The following NIBAN2 variants were observed in gnomAD, a reference collection of about 807,000 sequenced individuals.
The protein encoded by NIBAN2 is protein Niban 2.
In NIBAN2, 36 loss-of-function variants were observed where a neutral mutation model predicts 81.8. That is an observed-to-expected ratio of 0.44 (90% CI 0.34 to 0.58). The LOEUF is 0.58. Ranked by LOEUF, NIBAN2 falls within the 20% of genes least tolerant of loss-of-function variation. The pLI is 0.02. For missense variants in NIBAN2, 897 were observed against 1,014.1 expected (o/e 0.88, Z 1.57); for synonymous variants, 445 against 441.6 (o/e 1.01, Z -0.10).
upstream of NIBAN2, among the ~76,000 whole-genome samples, chr9:127,571,092 G>A (rs77118002): frequency 0.027 from 4,056 of 152,346 alleles, 138 homozygotes; most frequent in African/African-American, 0.078. Flanking sequence ...GACACCAGAG[G>A]CATCTTCTTG....
At chr9:127,578,753 AG>A (rs774724472) in intron 1 of NIBAN2, among the ~76,000 whole-genome samples, 4 of 151,846 alleles carry the variant, frequency 2.6e-5, no homozygotes, top group Non-Finnish European at 5.9e-5. Flanking sequence ...ACGCTTTGGG[AG>A]GTCAAGAAGT....
At chr9:127,561,900 C>T (rs544554267) in intron 1 of NIBAN2, among the ~76,000 whole-genome samples, 9 of 152,364 alleles carry the variant, frequency 5.9e-5, no homozygotes, top group Non-Finnish European at 1.3e-4. Flanking sequence ...CTCTGCCCAG[C>T]AGCGTCTACA....
At chr9:127,519,564 C>T (rs1836897220) in intron 5 of NIBAN2, among the ~76,000 whole-genome samples, 1 of 152,276 alleles carries the variant, frequency 6.6e-6, no homozygotes, top group Non-Finnish European at 1.5e-5. Flanking sequence ...TCTCTGGGTC[C>T]CTCCTCTCCC....
intron 1 of NIBAN2, 66 bp downstream of exon 1, chr9:127,568,754 G>C: frequency 8.2e-7 from 1 of 1,215,418 alleles, no homozygotes; most frequent in African/African-American, 1.6e-5. Flanking sequence ...CTGCTGGCCG[G>C]GGCGGGGGCG....
intron 4 of NIBAN2, among the ~76,000 whole-genome samples, 174 bp from the exon 5 acceptor site, chr9:127,524,020 C>T (rs1232157439): frequency 1.3e-5 from 2 of 152,212 alleles, no homozygotes; most frequent in Non-Finnish European, 2.9e-5. Flanking sequence ...TTCTTTCTGG[C>T]TGTGTTCTCC....
intron 3 of NIBAN2, among the ~76,000 whole-genome samples, chr9:127,525,803 C>T (rs538336278): frequency 6.6e-6 from 1 of 152,274 alleles, no homozygotes; most frequent in South Asian, 2.1e-4. Context: ...AGGACATGAA[C>T]CAGGGCTATC....
chr9:127,548,087 T>A (rs1160756018), intron 1 of NIBAN2, among the ~76,000 whole-genome samples: 1 of 152,170 alleles, frequency 6.6e-6, no homozygotes, highest in Admixed American at 6.5e-5. Flanking sequence ...GTCCCATGTT[T>A]CACGCCACGC....
intron 1 of NIBAN2, among the ~76,000 whole-genome samples, chr9:127,534,925 C>T (rs1391848256): frequency 6.6e-6 from 1 of 152,124 alleles, no homozygotes; most frequent in Non-Finnish European, 1.5e-5. Context: ...TCGTCATGGC[C>T]ACCACTTGCA....
At position 127,507,755 on chromosome 9, in the gene NIBAN2, G is replaced by A. The variant is rs996207138; in HGVS notation, c.1654+112C>T. On this transcript the variant is annotated intron_variant, in intron 13 of 13. Coordinates refer to ENST00000373312, the MANE Select transcript of NIBAN2 (RefSeq NM_022833.4). This position sits in a 1 kb window ranked among gnomAD's most constrained non-coding sequence, Gnocchi z 6.8. ...AGTGGGCTTCACCCAGACCCCAGGT[G>A]CAAGTCTGGGCTTTTCTTTGAGCCT... 2.5e-5 allele frequency: 24 copies of A among 956,896 alleles called. No individual in the cohort carries two copies. The highest frequency in any genetic ancestry group is 3.8e-5 in the Non-Finnish European group (23 of 602,246). The allele number at this position is 956,896 out of a possible 1,614,324, so 59.3% of individuals were successfully genotyped here.
intron 4 of NIBAN2, 116 bp from the exon 5 acceptor site, chr9:127,523,962 C>T (rs947530340): frequency 8.2e-5 from 94 of 1,140,516 alleles, no homozygotes; most frequent in Non-Finnish European, 1.1e-4. Context: ...CCAGAGAAGG[C>T]CAGCCTGTCC....
Position 127,508,242 on chromosome 9 carries a change from C to A in NIBAN2, c.1435-42G>T, listed in dbSNP as rs370444603. On this transcript the variant is annotated intron_variant, in intron 11 of 13. Transcript: ENST00000373312. This position sits in a 1 kb window ranked among gnomAD's most constrained non-coding sequence, Gnocchi z 6.4. Reference sequence around the variant, plus strand: ...GGTCGGGGGTCTGCAGGTCAGTGGGCTCCATTGGCCCTGAGGGTAGGACGA... The same window carrying A: ...GGTCGGGGGTCTGCAGGTCAGTGGGATCCATTGGCCCTGAGGGTAGGACGA... The A allele has an allele frequency of 5.1e-5, 78 of 1,517,744 alleles. No homozygotes were observed. The highest frequency in any genetic ancestry group is 6.0e-5 in the Non-Finnish European group (66 of 1,096,452). 94.0% of individuals were successfully genotyped at this position (1,517,744 alleles called of 1,614,324 possible).
chr9:127,509,228 G>A (rs1836681074), intron 9 of NIBAN2, 97 bp from the exon 10 acceptor site: 1 of 1,266,584 alleles, frequency 7.9e-7, no homozygotes, highest in East Asian at 2.5e-5. Context: ...TCCAGGCCCT[G>A]GGGCTGGCGC....
At chr9:127,568,645 G>A (rs564016219) in intron 1 of NIBAN2, among the ~76,000 whole-genome samples, 175 bp downstream of exon 1, 1 of 152,018 alleles carries the variant, frequency 6.6e-6, no homozygotes, top group Non-Finnish European at 1.5e-5. Context: ...GGGAAGGGGC[G>A]CCCAGGCTCA....
Position 127,527,329 on chromosome 9 carries a change from G to C in NIBAN2, c.187-7C>G, listed in dbSNP as rs1206287958. 1.9e-6 allele frequency: 3 copies of C among 1,612,844 alleles called. No individual in the cohort carries two copies. Among genetic ancestry groups the C allele is most frequent in the Non-Finnish European group, 2.5e-6 (3 of 1,179,686 alleles). On this transcript the variant is annotated splice_region_variant and splice_polypyrimidine_tract_variant and intron_variant, in intron 2 of 13. Transcript: ENST00000373312. ...TGCGCTCGTCCAGTGGCACCTGTGG[G>C]CAGGAGCGGGTGGGGAGTGAGGCCC... is the stretch of plus-strand genomic sequence containing the variant.
At position 127,578,791 on chromosome 9, in the gene NIBAN2, A is replaced by C. The variant is rs1838040242; in HGVS notation, c.16+131T>G. 3 of 812,294 alleles carry C rather than the reference A, an allele frequency of 3.7e-6. No homozygotes were observed. In the South Asian group the frequency reaches 5.6e-5, roughly 15 times the overall value. 50.3% of individuals were successfully genotyped at this position (812,294 alleles called of 1,614,324 possible). Reference sequence around the variant, plus strand: ...AGGATCCCTTGAGCCCAGGAGTTTGAGGCTGCATTGAGCTATGATCATTCC... The same window carrying C: ...AGGATCCCTTGAGCCCAGGAGTTTGCGGCTGCATTGAGCTATGATCATTCC... On this transcript the variant is annotated intron_variant, in intron 1 of 13. Coordinates refer to the NIBAN2 transcript ENST00000373314.
At position 127,568,829 on chromosome 9, in the gene NIBAN2, G is replaced by C; in HGVS notation, c.46C>G (p.His16Asp). 2 of 1,368,714 alleles carry C rather than the reference G, an allele frequency of 1.5e-6. No individual in the cohort carries two copies. The highest frequency in any genetic ancestry group is 3.1e-5 in the South Asian group (2 of 64,508). 84.8% of individuals were successfully genotyped at this position (1,368,714 alleles called of 1,614,324 possible). ...STHLDDARRQ[H>D]IAEKTGKILT... ...GCGGCGCGACCCTCACCTGCGATGT[G>C]CTGGCGCCGGGCGTCGTCCAGGTGC... Residue 16 changes from histidine (H) to aspartate (D), a missense_variant, in exon 1 of 14, where the codon CAC becomes GAC. Physicochemically the swap from His to Asp is moderately conservative, Grantham distance 81. Around this residue, in one of 3 missense-constraint regions of NIBAN2, gnomAD observed 209 missense variants for 208.4 expected, o/e 1.00. Coordinates refer to ENST00000373312, the MANE Select transcript of NIBAN2 (RefSeq NM_022833.4).
intron 1 of NIBAN2, 36 bp downstream of exon 1, chr9:127,568,784 G>A: frequency 7.9e-7 from 1 of 1,272,044 alleles, no homozygotes; most frequent in Non-Finnish European, 9.9e-7. Flanking sequence ...GGTTCCGGCA[G>A]GCCCCTGGGC....
chr9:127,540,308 G>T (rs765653546), intron 1 of NIBAN2, among the ~76,000 whole-genome samples: 1 of 152,222 alleles, frequency 6.6e-6, no homozygotes, highest in Admixed American at 6.5e-5. Flanking sequence ...GGCCCACTGT[G>T]CAGATAGGGG....
At chr9:127,544,596 C>T (rs1399413767) in intron 1 of NIBAN2, among the ~76,000 whole-genome samples, 1 of 152,072 alleles carries the variant, frequency 6.6e-6, no homozygotes, top group African/African-American at 2.4e-5. Context: ...CTCCGCCTCC[C>T]AGGTTCAAAC....
Sources: gnomAD v4.1 joint callset for allele counts (sites outside exome capture counted in the v4.1 genomes callset) on GRCh38, gnomAD v4.1.1 for gene constraint, gnomAD v4.1.1 regional missense constraint, Gnocchi (gnomAD v3.1) non-coding constraint, MANE v1.5 for transcripts, NCBI Gene and HGNC (gene_info 2026-07-23, HGNC 2026-07-21) for gene names.